Variants in CATSPER1 observed in about 807,000 individuals in gnomAD.
CATSPER1 encodes cation channel sperm associated 1.
A neutral mutation model predicts 72.7 loss-of-function variants in CATSPER1; 57 were observed. The observed-to-expected ratio is 0.78, with a 90% CI of 0.63 to 0.98. CATSPER1 has a LOEUF of 0.98. CATSPER1 is among the 50% of genes least tolerant of loss of function. CATSPER1 has a pLI of 0.00. For missense variants in CATSPER1, 910 were observed against 1,033.9 expected, an observed-to-expected ratio of 0.88 and a Z score of 1.64; for synonymous variants, 363 against 403.0, an observed-to-expected ratio of 0.90 and a Z score of 1.19.
At position 66,016,835 on chromosome 11, in the gene CATSPER1, A is replaced by G. The variant is rs757602293; in HGVS notation, c.*55T>C. ...CAGATCTGGGGACCCGTCCCAGTGC[A>G]CCCAGGTGGGCAGACTGCCAGGGGC... is the stretch of plus-strand genomic sequence containing the variant. On this transcript the variant is annotated 3_prime_UTR_variant, in exon 12 of 12. Coordinates refer to ENST00000312106, the MANE Select transcript of CATSPER1 (RefSeq NM_053054.4). 1.8e-5 allele frequency: 28 copies of G among 1,587,410 alleles called. No homozygotes were observed. Among genetic ancestry groups the G allele is most frequent in the Non-Finnish European group, 2.4e-5 (28 of 1,162,730 alleles).
At position 66,025,462 on chromosome 11, in the gene CATSPER1, G is replaced by A. The variant is rs148010566; in HGVS notation, c.918C>T (p.His306=). ...HRDYHQHQDH[H]GAYHSSYLHG... The stretch of plus-strand genomic sequence containing the variant: ...GGAGGTAACTGGAATGATACGCGCC[G>A]TGGTGGTCTTGGTGCTGATGGTAGT... Residue 306 remains histidine, a synonymous_variant, in exon 1 of 12, where the codon CAC becomes CAT. Coordinates refer to ENST00000312106, the MANE Select transcript of CATSPER1 (RefSeq NM_053054.4). 2.0e-4 allele frequency: 321 copies of A among 1,613,496 alleles called. 1 individual carries two copies. The African/African-American group carries it at 3.5e-3, about 18-fold the overall frequency.
chr11:66,023,866 T>A (rs1274165160), intron 1 of CATSPER1, among the ~76,000 whole-genome samples: 1 of 151,864 alleles, frequency 6.6e-6, no homozygotes, highest in East Asian at 2.0e-4. Flanking sequence ...CAGGTCCTGA[T>A]GAAATGTTCC....
chr11:66,020,395 G>A lies in CATSPER1; in HGVS notation c.1992-6C>T, dbSNP rs1254896869. 1 of 1,614,056 alleles carries A rather than the reference G, an allele frequency of 6.2e-7. No homozygotes were observed. The highest frequency in any genetic ancestry group is 2.2e-5 in the East Asian group (1 of 44,888). ...CCAGGACAGTAATCACCAGGCTGGG[G>A]AGAGGGACAGGGGTGTGCCCTCAGC... On this transcript the variant is annotated splice_polypyrimidine_tract_variant and splice_region_variant and intron_variant, in intron 7 of 11. Coordinates refer to ENST00000312106, the MANE Select transcript of CATSPER1 (RefSeq NM_053054.4). This position sits in a 1 kb window ranked among gnomAD's most constrained non-coding sequence, Gnocchi z 4.5.
chr11:66,019,485 C>T (rs2134988092), intron 9 of CATSPER1, among the ~76,000 whole-genome samples: 1 of 152,094 alleles, frequency 6.6e-6, no homozygotes, highest in Admixed American at 6.5e-5. Context: ...CCATGTTGGC[C>T]AGACTGGTCT....
intron 10 of CATSPER1, 50 bp downstream of exon 10, chr11:66,018,777 C>G (rs1856291608): frequency 6.3e-7 from 1 of 1,594,164 alleles, no homozygotes; most frequent in Non-Finnish European, 8.6e-7. Context: ...AGCCAGGCCC[C>G]CAGGCCTCAC....
chr11:66,023,178 C>T, intron 1 of CATSPER1, 117 bp from the exon 2 acceptor site: 1 of 1,020,296 alleles, frequency 9.8e-7, no homozygotes, highest in Non-Finnish European at 1.5e-6. Context: ...GGCCCTCTGC[C>T]TCCCGGGTTC....
Position 66,018,895 on chromosome 11 carries a change from T to C in CATSPER1, c.2133A>G (p.Lys711=). ...SLTELRAAEP[K]EVASEGTMLK... ...GCATGGTGCCTTCACTCGCCACCTC[T>C]TTGGGCTCTGGATGTAGAGAAAGAA... Residue 711 remains lysine (K), a synonymous_variant, in exon 10 of 12, where the codon AAA becomes AAG. Transcript: ENST00000312106. The C allele has an allele frequency of 6.2e-7, 1 of 1,613,900 alleles. No individual in the cohort carries two copies. Among genetic ancestry groups the C allele is most frequent in the Admixed American group, 1.7e-5 (1 of 60,018 alleles).
chr11:66,026,265 C>G lies in CATSPER1; in HGVS notation c.115G>C (p.Ala39Pro). ...PPHHRPGHSR[A>P]LHHYELHHHG... ...TGGTGCAACTCGTAATGGTGGAGAGCTCTGCTGTGGCCTGGCCTGTGGTGT... is the reference window on the plus strand; with the variant it reads ...TGGTGCAACTCGTAATGGTGGAGAGGTCTGCTGTGGCCTGGCCTGTGGTGT... Residue 39 changes from alanine to proline, a missense_variant, in exon 1 of 12, where the codon GCT becomes CCT. Transcript: ENST00000312106. The G allele has an allele frequency of 6.2e-7, 1 of 1,614,184 alleles. No homozygotes were observed. The highest frequency in any genetic ancestry group is 8.5e-7 in the Non-Finnish European group (1 of 1,180,020).
At position 66,026,159 on chromosome 11, in the gene CATSPER1, T is replaced by C. The variant is rs1414091764; in HGVS notation, c.221A>G (p.His74Arg). 1.2e-6 allele frequency: 2 copies of C among 1,605,698 alleles called. No individual in the cohort carries two copies. The highest frequency in any genetic ancestry group is 1.7e-6 in the Non-Finnish European group (2 of 1,173,310). ...QDFHDQALSSHVHQSHHHSEA... is the reference protein window; with the variant it reads ...QDFHDQALSSRVHQSHHHSEA... ...GCTGTGGTGGTGAGATTGGTGGACA[T>C]GGGAGGACAAGGCTTGGTCGTGGAA... The change falls in exon 1 of 12, where the codon CAT becomes CGT. Residue 74 changes from histidine (H) to arginine (R), a missense_variant. His to Arg is a conservative substitution (Grantham distance 29). Coordinates refer to ENST00000312106, the MANE Select transcript of CATSPER1 (RefSeq NM_053054.4).
In CATSPER1 at chr11:66,017,077, C is replaced by T; in HGVS notation, c.2299G>A (p.Val767Met). Residue 767 changes from valine (V) to methionine (M), a missense_variant, in exon 11 of 12, where the codon GTG becomes ATG. Transcript: ENST00000312106. ...RSQAAVIDEIVDTTFEAGEED... is the reference protein window; with the variant it reads ...RSQAAVIDEIMDTTFEAGEED... ...TGGTTCACCTCAAATGTGGTGTCCA[C>T]AATCTCATCGATGACGGCTGCCTGG... 1 of 1,611,782 alleles carries T rather than the reference C, an allele frequency of 6.2e-7. No homozygotes were observed. The highest frequency in any genetic ancestry group is 2.2e-5 in the East Asian group (1 of 44,734).
In CATSPER1 at chr11:66,020,046, G is replaced by A. The variant is rs1175894418; in HGVS notation, c.2125+94C>T. On this transcript the variant is annotated intron_variant, in intron 9 of 11. Transcript: ENST00000312106. The surrounding 1 kb of genome is among the most constrained non-coding windows in gnomAD (Gnocchi z 4.5). ...ATTCTAAAACTCTAAAACTGAGTCTGGAATTCTGTGACTGTGGAAGGAGGT... is the reference window on the plus strand; with the variant it reads ...ATTCTAAAACTCTAAAACTGAGTCTAGAATTCTGTGACTGTGGAAGGAGGT... 5.2e-6 allele frequency: 7 copies of A among 1,348,138 alleles called. No homozygotes were observed. The Admixed American group carries it at 8.9e-5, about 17-fold the overall frequency. 83.5% of individuals were successfully genotyped at this position (1,348,138 alleles called of 1,614,324 possible).
chr11:66,020,488 G>C lies in CATSPER1; in HGVS notation c.1991+76C>G, dbSNP rs1856338306. 1 of 1,600,216 alleles carries C rather than the reference G, an allele frequency of 6.2e-7. No homozygotes were observed. The highest frequency in any genetic ancestry group is 8.6e-7 in the Non-Finnish European group (1 of 1,167,826). On this transcript the variant is annotated intron_variant, in intron 7 of 11. Transcript: ENST00000312106. This position sits in a 1 kb window ranked among gnomAD's most constrained non-coding sequence, Gnocchi z 4.5. ...TCAGCGTGGCATGACCAGGGTGAGAGGGCTGGGGTAAGGGTCCCAGGGGAG... is the reference window on the plus strand; with the variant it reads ...TCAGCGTGGCATGACCAGGGTGAGACGGCTGGGGTAAGGGTCCCAGGGGAG...
chr11:66,025,390 T>C lies in CATSPER1; in HGVS notation c.990A>G (p.Thr330=), dbSNP rs201390042. 31 of 1,613,806 alleles carry C rather than the reference T, an allele frequency of 1.9e-5. No homozygotes were observed. In the East Asian group the frequency reaches 6.7e-4, roughly 35 times the overall value. ...GGGCATCGTGAATCAGGCTCCGGGA[T>C]GTGTGTGGGATAGAGAGTTGGGAAG... ...QSTSQLSIPH[T]SRSLIHDAPG... is the part of the protein sequence containing the mutation. The change falls in exon 1 of 12, where the codon ACA becomes ACG. Residue 330 remains threonine, a synonymous_variant. Transcript: ENST00000312106.
rs752535533 is a variant in CATSPER1 at position 66,020,772 on chromosome 11, C to T, written c.1927+39G>A. 1.9e-6 allele frequency: 3 copies of T among 1,613,294 alleles called. No homozygotes were observed. Among genetic ancestry groups the T allele is most frequent in the Non-Finnish European group, 2.5e-6 (3 of 1,179,888 alleles). On this transcript the variant is annotated intron_variant, in intron 6 of 11. Transcript: ENST00000312106. This position sits in a 1 kb window ranked among gnomAD's most constrained non-coding sequence, Gnocchi z 4.5. ...CTGAGCCCTGGCCGGTCCACCCCGC[C>T]AATCCCCGGCCCTCCCTGCAGCCTG...
chr11:66,026,010 T>C lies in CATSPER1; in HGVS notation c.370A>G (p.Arg124Gly). Residue 124 changes from arginine (R) to glycine (G), a missense_variant, in exon 1 of 12, where the codon AGG becomes GGG. By Grantham distance (125) the Arg-to-Gly change is moderately radical. Transcript: ENST00000312106. ...DYHDELQRDG[R>G]RHHDGSQYGG... ...TATTGGGACCCATCATGATGCCTCC[T>C]GCCATCACGTTGGAGCTCATCATGG... 1 of 1,614,000 alleles carries C rather than the reference T, an allele frequency of 6.2e-7. No individual in the cohort carries two copies. The highest frequency in any genetic ancestry group is 1.1e-5 in the South Asian group (1 of 91,078).
In CATSPER1 at chr11:66,020,457, G is replaced by A. The variant is rs927473603; in HGVS notation, c.1992-68C>T. The A allele has an allele frequency of 4.4e-6, 7 of 1,606,450 alleles. No homozygotes were observed. The highest frequency in any genetic ancestry group is 4.5e-5 in the East Asian group (2 of 44,864). On this transcript the variant is annotated intron_variant, in intron 7 of 11. Coordinates refer to ENST00000312106, the MANE Select transcript of CATSPER1 (RefSeq NM_053054.4). The surrounding 1 kb of genome is among the most constrained non-coding windows in gnomAD (Gnocchi z 4.5). ...AGGAGAGGGGCACCCGGTACTTCTT[G>A]TGGGTTCAGCGTGGCATGACCAGGG... is the stretch of plus-strand genomic sequence containing the variant.
chr11:66,019,781 C>T (rs1386250047), intron 9 of CATSPER1, among the ~76,000 whole-genome samples: 1 of 151,848 alleles, frequency 6.6e-6, no homozygotes, highest in East Asian at 1.9e-4. Flanking sequence ...GGCGAGTGTG[C>T]TGGCGCATGC....
rs1234361135 is a variant in CATSPER1, at chr11:66,025,473, G to A, written c.907C>T (p.Gln303Ter). 3.7e-6 allele frequency: 6 copies of A among 1,612,838 alleles called. No individual in the cohort carries two copies. In the African/African-American group the frequency reaches 8.0e-5, roughly 22 times the overall value. The part of the protein sequence containing the change: ...THRHRDYHQH[Q>*]DHHGAYHSSY... ...GAATGATACGCGCCGTGGTGGTCTT[G>A]GTGCTGATGGTAGTCTCGGTGCCGG... is the stretch of plus-strand genomic sequence containing the variant. Residue 303 changes from glutamine (Q) to a stop codon, truncating the protein, a stop_gained, in exon 1 of 12, where the codon CAA (glutamine) becomes TAA (stop). Coordinates refer to ENST00000312106, the MANE Select transcript of CATSPER1 (RefSeq NM_053054.4). LOFTEE classifies it high-confidence loss of function.
In CATSPER1 at chr11:66,026,313, A is replaced by G; in HGVS notation, c.67T>C (p.Phe23Leu). 1 of 1,614,218 alleles carries G rather than the reference A, an allele frequency of 6.2e-7. No individual in the cohort carries two copies. Residue 23 changes from phenylalanine (F) to leucine (L), a missense_variant, in exon 1 of 12, where the codon TTT becomes CTT. Physicochemically the swap from Phe to Leu is conservative, Grantham distance 22 (BLOSUM62 0). Transcript: ENST00000312106. ...TGTGGGGGTGATGAGTGAGAGCGAAAGAACCTATCTGCGTTATTGGTGTCT... is the reference window on the plus strand; with the variant it reads ...TGTGGGGGTGATGAGTGAGAGCGAAGGAACCTATCTGCGTTATTGGTGTCT... ...EADTNNADRF[F>L]RSHSSPPHHR...
Sources: allele counts gnomAD v4.1 joint callset (sites outside exome capture counted in the v4.1 genomes callset), GRCh38; gene constraint gnomAD v4.1.1; non-coding constraint Gnocchi (gnomAD v3.1); transcripts MANE v1.5; gene names NCBI Gene and HGNC (gene_info 2026-07-23, HGNC 2026-07-21).